NCAPG2: variants seen among roughly 807,000 people sequenced by gnomAD.
NCAPG2 encodes the protein non-SMC condensin II complex subunit G2.
NCAPG2 carries 53 observed loss-of-function variants against 141.1 expected under a neutral mutation model. The ratio of observed to expected loss-of-function variants is 0.38; its 90% CI spans 0.30 to 0.47. The LOEUF (loss-of-function observed/expected upper bound fraction) is 0.47. Ranked by LOEUF, NCAPG2 falls within the 20% of genes least tolerant of loss-of-function variation. The probability of loss-of-function intolerance (pLI) is 0.99; values close to 1 mark genes in which losing one functional copy is unlikely to be tolerated. For synonymous variants in NCAPG2, 499 were observed against 490.7 expected, an observed-to-expected ratio of 1.02 and a Z score of -0.22; for missense variants, 1,087 against 1,389.0, an observed-to-expected ratio of 0.78 and a Z score of 3.46.
chr7:158,637,533 C>A (rs1830334229), intron 27 of NCAPG2, among the ~76,000 whole-genome samples: 1 of 152,212 alleles, frequency 6.6e-6, no homozygotes. Context: ...GAGCCACACA[C>A]AGGAGCCTGT....
intron 8 of NCAPG2, among the ~76,000 whole-genome samples, chr7:158,684,316 C>T (rs1449221425): frequency 1.3e-5 from 2 of 152,202 alleles, no homozygotes; most frequent in South Asian, 2.1e-4. Flanking sequence ...GGTCCAGTTT[C>T]CTCACATGCC....
At chr7:158,636,397 T>C (rs1018290826) in intron 27 of NCAPG2, among the ~76,000 whole-genome samples, 1 of 147,504 alleles carries the variant, frequency 6.8e-6, no homozygotes, top group African/African-American at 2.5e-5. Context: ...ATTATTTCTT[T>C]TTTTCTTTTT....
chr7:158,680,661 C>T, intron 10 of NCAPG2, 60 bp downstream of exon 10: 1 of 1,136,218 alleles, frequency 8.8e-7, no homozygotes, highest in Non-Finnish European at 1.2e-6. Flanking sequence ...TTAGAGTTTG[C>T]TAAATTCAAA....
chr7:158,638,906 G>A (rs567916988), intron 27 of NCAPG2, among the ~76,000 whole-genome samples: 42 of 152,104 alleles, frequency 2.8e-4, no homozygotes, highest in Admixed American at 6.6e-4. Flanking sequence ...AGTCTCAGAC[G>A]TACAATCAAA....
chr7:158,662,511 C>G, intron 15 of NCAPG2, 144 bp from the exon 16 acceptor site: 1 of 660,656 alleles, frequency 1.5e-6, no homozygotes, highest in South Asian at 3.2e-5. Flanking sequence ...ACTTTAGAAT[C>G]TTCTAGGGAG....
rs1563549335 is a variant in NCAPG2, at chr7:158,672,292, G to GTATATATATA, written c.1327-636_1327-627dup. Among the ~76,000 whole-genome samples the GTATATATATA allele has an allele frequency of 2.6e-4, 7 of 27,224 alleles. No homozygotes were observed. The South Asian group carries it at 6.9e-3, about 27-fold the overall frequency. The allele number at this position is 27,224 out of a possible 152,430, so 17.9% of individuals were successfully genotyped here. The stretch of plus-strand genomic sequence containing the variant: ...ATTCCAAACACATGTGTGTGTGTGT[G>GTATATATATA]TATATATATATATATATATATATAT... On this transcript the variant is annotated intron_variant, in intron 12 of 27. Transcript: ENST00000356309.
intron 4 of NCAPG2, 144 bp downstream of exon 4, chr7:158,692,698 G>GCCATTGCACTCCTGCCTAGGCAAC: frequency 1.6e-6 from 1 of 635,678 alleles, no homozygotes; most frequent in Non-Finnish European, 2.8e-6. Flanking sequence ...CTGAGATCGC[G>GCCATTGCACTCCTGCCTAGGCAAC]CCATTGCACT....
chr7:158,665,698 A>T (rs1832874528), intron 13 of NCAPG2, among the ~76,000 whole-genome samples: 3 of 151,898 alleles, frequency 2.0e-5, no homozygotes, highest in African/African-American at 7.3e-5. Flanking sequence ...ACCTGCTCCT[A>T]AGTGTGCCTG....
intron 19 of NCAPG2, among the ~76,000 whole-genome samples, chr7:158,655,937 G>T (rs1421339182): frequency 6.6e-6 from 1 of 152,252 alleles, no homozygotes; most frequent in African/African-American, 2.4e-5. Flanking sequence ...TGCAGGGAGT[G>T]AGTGTCCACA....
At chr7:158,701,568 C>A (rs995361365) in intron 2 of NCAPG2, among the ~76,000 whole-genome samples, 3 of 152,228 alleles carry the variant, frequency 2.0e-5, no homozygotes, top group South Asian at 2.1e-4. Context: ...TTCAGAGTGA[C>A]CTTCTTTGTT....
chr7:158,667,394 G>A lies in NCAPG2; in HGVS notation c.1480-2644C>T, dbSNP rs111589704. Reference sequence around the variant, plus strand: ...TCCGCCCCCCCTTACCCACTACTGGGTCCCTCCGCCCTCCTTACCCACTAC... The same window carrying A: ...TCCGCCCCCCCTTACCCACTACTGGATCCCTCCGCCCTCCTTACCCACTAC... On this transcript the variant is annotated intron_variant, in intron 13 of 27. Transcript: ENST00000356309. Among the ~76,000 whole-genome samples the A allele has an allele frequency of 7.8e-5, 3 of 38,634 alleles. 1 individual carries two copies. Among genetic ancestry groups the A allele is most frequent in the Non-Finnish European group, 1.7e-4 (3 of 17,540 alleles). 25.3% of individuals were successfully genotyped at this position (38,634 alleles called of 152,430 possible).
chr7:158,657,950 GGCAGCATGCTC>G (rs1249075401), intron 17 of NCAPG2, among the ~76,000 whole-genome samples: 1 of 151,836 alleles, frequency 6.6e-6, no homozygotes, highest in Non-Finnish European at 1.5e-5. Context: ...GATGCTTGAA[GGCAGCATGCTC>G]GTTAAGAGTC....
chr7:158,664,155 T>A, intron 15 of NCAPG2, 29 bp downstream of exon 15: 6 of 1,528,006 alleles, frequency 3.9e-6, no homozygotes, highest in African/African-American at 1.4e-5. Flanking sequence ...TGAGGCACTA[T>A]CTGCCCGGCC....
intron 17 of NCAPG2, among the ~76,000 whole-genome samples, chr7:158,657,625 C>T (rs1432053303): frequency 1.3e-5 from 2 of 152,226 alleles, no homozygotes; most frequent in Admixed American, 1.3e-4. Flanking sequence ...AGCCCCTCTG[C>T]CTGGCCACCA....
chr7:158,667,810 T>G (rs112977711), intron 13 of NCAPG2, among the ~76,000 whole-genome samples: 18 of 5,212 alleles, frequency 3.5e-3, no homozygotes, highest in African/African-American at 0.03. Context: ...CCCTCCGCCC[T>G]CCTTACCCAC....
rs1563519757 is a variant in NCAPG2, at chr7:158,656,720, CG to C, written c.2061-16del. ...TCACACCACAGCTGAAAATGTCAGA[CG>C]GAAAATCGGACTGAGTATTTCAACG... is the stretch of plus-strand genomic sequence containing the variant. On this transcript the variant is annotated splice_polypyrimidine_tract_variant and intron_variant, in intron 17 of 27. Transcript: ENST00000356309. 6.2e-7 allele frequency: 1 copy of C among 1,611,532 alleles called. No homozygotes were observed. Among genetic ancestry groups the C allele is most frequent in the East Asian group, 2.2e-5 (1 of 44,806 alleles).
rs535094865 is a variant in NCAPG2 at position 158,686,329 on chromosome 7, T to C, written c.768-88A>G. 6 of 740,460 alleles carry C rather than the reference T, an allele frequency of 8.1e-6. No homozygotes were observed. In the East Asian group the frequency reaches 1.2e-4, roughly 15 times the overall value. The allele number at this position is 740,460 out of a possible 1,614,324, so 45.9% of individuals were successfully genotyped here. ...CATTTCAGCTACTCTCCAACCATAGTGAAGAAGAAACTCAGTTTAAACTAG... is the reference window on the plus strand; with the variant it reads ...CATTTCAGCTACTCTCCAACCATAGCGAAGAAGAAACTCAGTTTAAACTAG... On this transcript the variant is annotated intron_variant, in intron 7 of 27. Transcript: ENST00000356309.
chr7:158,654,421 A>C (rs899822717), intron 22 of NCAPG2, among the ~76,000 whole-genome samples, 174 bp downstream of exon 22: 2 of 152,216 alleles, frequency 1.3e-5, no homozygotes, highest in African/African-American at 4.8e-5. Flanking sequence ...TCTGACACAG[A>C]AACACCTCTT....
intron 19 of NCAPG2, among the ~76,000 whole-genome samples, chr7:158,655,747 G>GCCCCGTCCTCCCCATGTGCC (rs1554554702): frequency 1.4e-5 from 2 of 147,938 alleles, no homozygotes; most frequent in African/African-American, 2.5e-5. Flanking sequence ...CATCTGCCTG[G>GCCCCGTCCTCCCCATGTGCC]CTCCACTCTG....
Sources: gnomAD v4.1 joint callset for allele counts (sites outside exome capture counted in the v4.1 genomes callset) on GRCh38, gnomAD v4.1.1 for gene constraint, MANE v1.5 for transcripts, NCBI Gene and HGNC (gene_info 2026-07-23, HGNC 2026-07-21) for gene names.